The following TNFRSF1B variants were observed in gnomAD, a reference collection of about 807,000 sequenced individuals.
The protein encoded by TNFRSF1B is tumor necrosis factor receptor superfamily member 1B.
A neutral mutation model predicts 44.6 loss-of-function variants in TNFRSF1B; 19 were observed. That is an observed-to-expected ratio of 0.43 (90% confidence interval 0.30 to 0.62). TNFRSF1B has a LOEUF of 0.62. TNFRSF1B is among the 20% of genes least tolerant of loss of function. TNFRSF1B has a pLI of 0.16. For missense variants in TNFRSF1B, 541 were observed against 619.9 expected (o/e 0.87, Z 1.35); for synonymous variants, 252 against 261.1 (o/e 0.97, Z 0.34).
rs1639104636 is a variant in TNFRSF1B, at chr1:12,190,986, A to C, written c.208A>C (p.Thr70Pro). The change falls in exon 3 of 10, where the codon ACC becomes CCC. Residue 70 changes from threonine (T) to proline (P), a missense_variant. Transcript: ENST00000376259. ...ACATGCAAAAGTCTTCTGTACCAAGACCTCGGACACCGTGTGTGACTCCTG... is the reference window on the plus strand; with the variant it reads ...ACATGCAAAAGTCTTCTGTACCAAGCCCTCGGACACCGTGTGTGACTCCTG... ...GQHAKVFCTK[T>P]SDTVCDSCED... The C allele has an allele frequency of 3.1e-6, 5 of 1,613,982 alleles. No homozygotes were observed. The highest frequency in any genetic ancestry group is 4.2e-6 in the Non-Finnish European group (5 of 1,179,994).
At position 12,178,957 on chromosome 1, in the gene TNFRSF1B, G is replaced by T. The variant is rs1638726544; in HGVS notation, c.79-9839G>T. ...ACCAAGGAGCCTGCAGCTGGCAGGAGATGCTGAGGGCAGCGAGGAGGAGGG... is the reference window on the plus strand; with the variant it reads ...ACCAAGGAGCCTGCAGCTGGCAGGATATGCTGAGGGCAGCGAGGAGGAGGG... On this transcript the variant is annotated intron_variant, in intron 1 of 9. Transcript: ENST00000376259. The surrounding 1 kb of genome is among the most constrained non-coding windows in gnomAD (Gnocchi z 4.3). 6.6e-6 allele frequency among the ~76,000 whole-genome samples: 1 copy of T among 152,134 alleles called. No homozygotes were observed. The highest frequency in any genetic ancestry group is 6.5e-5 in the Admixed American group (1 of 15,282).
rs781592930 is a variant in TNFRSF1B at position 12,191,920 on chromosome 1, C to G, written c.454C>G (p.Pro152Ala). ...KCRPGFGVARPGTETSDVVCK... is the reference protein window; with the variant it reads ...KCRPGFGVARAGTETSDVVCK... ...CCGCCCGGGCTTCGGCGTGGCCAGA[C>G]CAGGTACGGGGTGGGGCTCAGGTCC... The change falls in exon 4 of 10, where the codon CCA becomes GCA. Residue 152 changes from proline (P) to alanine (A), a missense_variant. By Grantham distance (27) the Pro-to-Ala change is conservative. Transcript: ENST00000376259. 1.2e-6 allele frequency: 2 copies of G among 1,608,328 alleles called. No individual in the cohort carries two copies. Among genetic ancestry groups the G allele is most frequent in the Middle Eastern group, 4.4e-4 (2 of 4,578 alleles).
intron 1 of TNFRSF1B, among the ~76,000 whole-genome samples, chr1:12,176,996 A>T (rs1007544108): frequency 2.0e-5 from 3 of 151,400 alleles, no homozygotes; most frequent in African/African-American, 7.3e-5. Flanking sequence ...CCTGAGCCCA[A>T]TGGACCGATT....
intron 8 of TNFRSF1B, 30 bp from the exon 9 acceptor site, chr1:12,201,937 G>T (rs1306260650): frequency 1.2e-5 from 18 of 1,561,398 alleles, no homozygotes; most frequent in Non-Finnish European, 1.6e-5. Flanking sequence ...TGGGCTGACT[G>T]CTCTCCCCTA....
intron 9 of TNFRSF1B, 130 bp from the exon 10 acceptor site, chr1:12,206,610 C>A (rs1202703001): frequency 3.0e-6 from 3 of 997,952 alleles, no homozygotes; most frequent in South Asian, 3.7e-5. Context: ...CAGAGCTGGG[C>A]TAGAATCTTG....
In TNFRSF1B at chr1:12,177,217, G is replaced by A. The variant is rs1043277419; in HGVS notation, c.78+10048G>A. Among the ~76,000 whole-genome samples, 1 of 152,058 alleles carries A rather than the reference G, an allele frequency of 6.6e-6. No homozygotes were observed. On this transcript the variant is annotated intron_variant, in intron 1 of 9. Transcript: ENST00000376259. This position sits in a 1 kb window ranked among gnomAD's most constrained non-coding sequence, Gnocchi z 4.3. ...AGATGGTGTTTCGCCATGTTGGCCC[G>A]GCTGGTCTTGAACTCCTGACCTCAG...
chr1:12,192,365 AG>A (rs780030686), intron 4 of TNFRSF1B, 65 bp from the exon 5 acceptor site: 1 of 1,509,796 alleles, frequency 6.6e-7, no homozygotes, highest in South Asian at 1.1e-5. Flanking sequence ...CTAGGGCTCT[AG>A]TGCCAAGGCC....
chr1:12,181,720 G>A (rs554271238), intron 1 of TNFRSF1B, among the ~76,000 whole-genome samples: 30 of 152,306 alleles, frequency 2.0e-4, no homozygotes, highest in African/African-American at 7.2e-4. Context: ...GGGGGAAGGG[G>A]ATGGGGGCAG....
At position 12,194,574 on chromosome 1, in the gene TNFRSF1B, C is replaced by T. The variant is rs747158267; in HGVS notation, c.866-10C>T. On this transcript the variant is annotated splice_polypyrimidine_tract_variant and intron_variant, in intron 7 of 9. Coordinates refer to ENST00000376259, the MANE Select transcript of TNFRSF1B (RefSeq NM_001066.3). ...GTCAATCTCTTACTTGTCCCCTCTC[C>T]TCTTTATAGAGAAGCCCTTGTGCCT... The T allele has an allele frequency of 6.2e-6, 10 of 1,614,046 alleles. No homozygotes were observed. The highest frequency in any genetic ancestry group is 7.6e-6 in the Non-Finnish European group (9 of 1,180,016).
In TNFRSF1B at chr1:12,192,503, A is replaced by G; in HGVS notation, c.530A>G (p.Asp177Gly). 1 of 1,614,066 alleles carries G rather than the reference A, an allele frequency of 6.2e-7. No homozygotes were observed. Residue 177 changes from aspartate to glycine, a missense_variant, in exon 5 of 10, where the codon GAT becomes GGT. Coordinates refer to ENST00000376259, the MANE Select transcript of TNFRSF1B (RefSeq NM_001066.3). ...TTCTCCAACACGACTTCATCCACGG[A>G]TATTTGCAGGCCCCACCAGATGTGA... ...GTFSNTTSST[D>G]ICRPHQICNV...
At chr1:12,192,272 G>C (rs1158238410) in intron 4 of TNFRSF1B, 159 bp from the exon 5 acceptor site, 18 of 707,688 alleles carry the variant, frequency 2.5e-5, no homozygotes, top group Non-Finnish European at 3.5e-5. Flanking sequence ...GTGTGTACAG[G>C]CATCTGTGTG....
Position 12,183,754 on chromosome 1 carries a change from TAGCTAG to T in TNFRSF1B, c.79-5041_79-5036del, listed in dbSNP as rs1557629301. Among the ~76,000 whole-genome samples the T allele has an allele frequency of 8.4e-3, 896 of 107,290 alleles. 23 individuals are homozygous for T. Among genetic ancestry groups the T allele is most frequent in the Middle Eastern group, 0.01 (2 of 200 alleles). The allele number at this position is 107,290 out of a possible 152,430, so 70.4% of individuals were successfully genotyped here. On this transcript the variant is annotated intron_variant, in intron 1 of 9. Coordinates refer to ENST00000376259, the MANE Select transcript of TNFRSF1B (RefSeq NM_001066.3). ...CTATCTATCTATCTATCTATCTAGCTAGCTAGCTAGCTAGCTATCTATTCTATCTAC... is the reference window on the plus strand; with the variant it reads ...CTATCTATCTATCTATCTATCTAGCTCTAGCTAGCTATCTATTCTATCTAC...
chr1:12,178,038 G>C lies in TNFRSF1B; in HGVS notation c.79-10758G>C. On this transcript the variant is annotated intron_variant, in intron 1 of 9. Coordinates refer to ENST00000376259, the MANE Select transcript of TNFRSF1B (RefSeq NM_001066.3). This position sits in a 1 kb window ranked among gnomAD's most constrained non-coding sequence, Gnocchi z 4.3. ...ACCCCAGGTGGCCAGGCTCCTGAGCGCTATGCCTACCTCACCCTCCAATGA... is the reference window on the plus strand; with the variant it reads ...ACCCCAGGTGGCCAGGCTCCTGAGCCCTATGCCTACCTCACCCTCCAATGA... 6.6e-6 allele frequency among the ~76,000 whole-genome samples: 1 copy of C among 152,286 alleles called. No individual in the cohort carries two copies. The highest frequency in any genetic ancestry group is 1.9e-4 in the East Asian group (1 of 5,182).
rs1638709308 is a variant in TNFRSF1B, at chr1:12,178,342, T to C, written c.79-10454T>C. Among the ~76,000 whole-genome samples, 1 of 152,160 alleles carries C rather than the reference T, an allele frequency of 6.6e-6. No homozygotes were observed. Among genetic ancestry groups the C allele is most frequent in the Non-Finnish European group, 1.5e-5 (1 of 68,030 alleles). The stretch of plus-strand genomic sequence containing the variant: ...GAGCTCTTTCCACTGCCGGGCACGG[T>C]GCCAAGCACGCCACGTATACTGACT... On this transcript the variant is annotated intron_variant, in intron 1 of 9. Coordinates refer to ENST00000376259, the MANE Select transcript of TNFRSF1B (RefSeq NM_001066.3). The surrounding 1 kb of genome is among the most constrained non-coding windows in gnomAD (Gnocchi z 4.3).
At position 12,199,636 on chromosome 1, in the gene TNFRSF1B, G is replaced by T. The variant is rs1427639164; in HGVS notation, c.901-2331G>T. Among the ~76,000 whole-genome samples the T allele has an allele frequency of 1.3e-5, 2 of 152,158 alleles. No homozygotes were observed. The highest frequency in any genetic ancestry group is 2.1e-4 in the South Asian group (1 of 4,816). On this transcript the variant is annotated intron_variant, in intron 8 of 9. Coordinates refer to ENST00000376259, the MANE Select transcript of TNFRSF1B (RefSeq NM_001066.3). The surrounding 1 kb of genome is among the most constrained non-coding windows in gnomAD (Gnocchi z 4.0). ...TTGGACAGAGAGGACCCTGGTACTC[G>T]CATCTGTTCTCAGACCACATCTGGA...
At chr1:12,191,427 T>G (rs182007036) in intron 3 of TNFRSF1B, among the ~76,000 whole-genome samples, 15 of 140,304 alleles carry the variant, frequency 1.1e-4, no homozygotes, top group African/African-American at 3.5e-4. Context: ...GAGCGGGACT[T>G]CGGGGAGGAG....
chr1:12,175,262 A>G (rs5745968), intron 1 of TNFRSF1B, among the ~76,000 whole-genome samples: 194 of 152,292 alleles, frequency 1.3e-3, no homozygotes, highest in African/African-American at 4.3e-3. Flanking sequence ...TTCCGGGAGA[A>G]CTTGGCCAAT....
rs5746064 is a variant in TNFRSF1B at position 12,207,359 on chromosome 1, TTTTGTTTGTTTG to T, written c.*359_*370del. ...GCCTGGCTTCTGGAGCCCTTGGGTTTTTTGTTTGTTTGTTTGTTTGTTTGTTTGTTTCTCCCC... is the reference window on the plus strand; with the variant it reads ...GCCTGGCTTCTGGAGCCCTTGGGTTTTTTGTTTGTTTGTTTGTTTCTCCCC... On this transcript the variant is annotated 3_prime_UTR_variant, in exon 10 of 10. Transcript: ENST00000376259. 3 of 307,728 alleles carry T rather than the reference TTTTGTTTGTTTG, an allele frequency of 9.7e-6. No individual in the cohort carries two copies. The highest frequency in any genetic ancestry group is 1.5e-4 in the South Asian group (1 of 6,880). 19.1% of individuals were successfully genotyped at this position (307,728 alleles called of 1,614,324 possible). A position where few individuals can be genotyped will look rare whatever the true frequency, so the allele number is the denominator to read the frequency against.
rs1194423237 is a variant in TNFRSF1B at position 12,186,328 on chromosome 1, G to A, written c.79-2468G>A. ...CCTGACTCCCAGGCAGTGCTGTGAG[G>A]AAGGGGAGGAGGAGGCACACTGAAC... On this transcript the variant is annotated intron_variant, in intron 1 of 9. Coordinates refer to ENST00000376259, the MANE Select transcript of TNFRSF1B (RefSeq NM_001066.3). The surrounding 1 kb of genome is among the most constrained non-coding windows in gnomAD (Gnocchi z 4.8). Among the ~76,000 whole-genome samples the A allele has an allele frequency of 6.6e-6, 1 of 152,194 alleles. No homozygotes were observed. Among genetic ancestry groups the A allele is most frequent in the African/African-American group, 2.4e-5 (1 of 41,448 alleles).
Sources: allele counts gnomAD v4.1 joint callset (sites outside exome capture counted in the v4.1 genomes callset), GRCh38; gene constraint gnomAD v4.1.1; non-coding constraint Gnocchi (gnomAD v3.1); transcripts MANE v1.5; gene names NCBI Gene and HGNC (gene_info 2026-07-23, HGNC 2026-07-21).